SH3KBP1: variants seen among roughly 807,000 people sequenced by gnomAD.
SH3KBP1 encodes SH3 domain containing kinase binding protein 1, also known as SH3 domain-containing kinase-binding protein 1.
A neutral mutation model predicts 50.1 loss-of-function variants in SH3KBP1; 8 were observed. The observed-to-expected ratio is 0.16, with a 90% confidence interval of 0.09 to 0.29. The LOEUF is 0.29. Ranked by LOEUF, SH3KBP1 falls within the 10% of genes least tolerant of loss-of-function variation. The pLI is 1.00. For synonymous variants in SH3KBP1, 227 were observed against 218.6 expected (o/e 1.04, Z -0.34); for missense variants, 377 against 535.2 (o/e 0.70, Z 2.92).
In SH3KBP1 at chrX:19,887,370, G is replaced by C; in HGVS notation, c.-60C>G. On this transcript the variant is annotated 5_prime_UTR_variant, in exon 1 of 18. Transcript: ENST00000397821. ...TGAAAGTTGGCGGAGGCGGGCGTGG[G>C]GGTTGGGGCGCCGGGATCGGGGCGC... The C allele has an allele frequency of 1.1e-6, 1 of 921,241 alleles. No homozygotes were observed. The highest frequency in any genetic ancestry group is 1.4e-6 in the Non-Finnish European group (1 of 737,359). The allele number at this position is 921,241 out of a possible 1,213,427, so 75.9% of individuals were successfully genotyped here. A position where few individuals can be genotyped will look rare whatever the true frequency, so the allele number is the denominator to read the frequency against.
intron 6 of SH3KBP1, among the ~76,000 whole-genome samples, chrX:19,652,930 T>TA (rs2062164725): frequency 8.9e-6 from 1 of 112,468 alleles, no homozygotes; most frequent in Non-Finnish European, 1.9e-5. Context: ...GATGCCAGTC[T>TA]AGAGCCTTGT....
intron 6 of SH3KBP1, chrX:19,683,336 G>T: frequency 5.4e-6 from 2 of 369,022 alleles, no homozygotes; most frequent in East Asian, 1.5e-4. Context: ...ACCTGCGGGA[G>T]ACTTCCTTTC....
chrX:19,582,565 G>A lies in SH3KBP1; in HGVS notation c.1298+6078C>T, dbSNP rs1026770712. On this transcript the variant is annotated intron_variant, in intron 12 of 17. Transcript: ENST00000397821. ...TCCAAACAAACCCACCTCCAAGGTT[G>A]TAAGCACCAACCTCCCCTTTCTGAT... Among the ~76,000 whole-genome samples, 4 of 112,193 alleles carry A rather than the reference G, an allele frequency of 3.6e-5. No homozygotes were observed. The East Asian group carries it at 8.4e-4, about 24-fold the overall frequency.
At chrX:19,726,572 C>T (rs1436292222) in intron 3 of SH3KBP1, among the ~76,000 whole-genome samples, 1 of 110,950 alleles carries the variant, frequency 9.0e-6, no homozygotes, top group East Asian at 2.8e-4. Flanking sequence ...ACACATAATG[C>T]AAGCAAGATA....
intron 7 of SH3KBP1, among the ~76,000 whole-genome samples, chrX:19,636,155 AG>A (rs2061698034): frequency 9.0e-6 from 1 of 110,755 alleles, no homozygotes; most frequent in Non-Finnish European, 1.9e-5. Context: ...AGAGAGAGAG[AG>A]AGAGAAAAAA....
At chrX:19,711,798 C>A (rs936214597) in intron 3 of SH3KBP1, among the ~76,000 whole-genome samples, 3 of 111,274 alleles carry the variant, frequency 2.7e-5, no homozygotes, top group Non-Finnish European at 3.8e-5. Context: ...AGAGGAAAAT[C>A]AAAAGAAACC....
In SH3KBP1 at chrX:19,569,114, C is replaced by T. The variant is rs2065930866; in HGVS notation, c.1373G>A (p.Ser458Asn). 3 of 1,207,469 alleles carry T rather than the reference C, an allele frequency of 2.5e-6. No individual in the cohort carries two copies. The African/African-American group carries it at 5.2e-5, about 21-fold the overall frequency. Reference sequence around the variant, plus strand: ...CTGTCCTTACTCACCAATGTCATTGCTGCGGTCCGAGAGATCTTTGTCCAG... The same window carrying T: ...CTGTCCTTACTCACCAATGTCATTGTTGCGGTCCGAGAGATCTTTGTCCAG... ...GILDKDLSDRSNDIDLEGFDS... is the reference protein window; with the variant it reads ...GILDKDLSDRNNDIDLEGFDS... Residue 458 changes from serine to asparagine, a missense_variant, in exon 13 of 18, where the codon AGC becomes AAC. Ser to Asn is a conservative substitution (Grantham distance 46). Transcript: ENST00000397821.
intron 5 of SH3KBP1, among the ~76,000 whole-genome samples, chrX:19,691,381 T>TTATATA (rs10694812): frequency 1.0e-5 from 1 of 95,345 alleles, no homozygotes; most frequent in African/African-American, 3.9e-5. Context: ...TCTTTTGAGA[T>TTATATA]TATATATATA....
chrX:19,599,997 C>T (rs1012620804), intron 9 of SH3KBP1, among the ~76,000 whole-genome samples: 3 of 101,431 alleles, frequency 3.0e-5, no homozygotes, highest in South Asian at 4.7e-4. Flanking sequence ...TAGCCGGGCG[C>T]GGTGGCAGAC....
intron 17 of SH3KBP1, among the ~76,000 whole-genome samples, chrX:19,537,390 G>A (rs1462713759): frequency 2.7e-5 from 3 of 109,318 alleles, no homozygotes; most frequent in Non-Finnish European, 3.8e-5. Flanking sequence ...CCCGGGAGGC[G>A]GAGGTTGCAG....
At chrX:19,847,883 T>G (rs2068405329) in intron 1 of SH3KBP1, among the ~76,000 whole-genome samples, 1 of 112,343 alleles carries the variant, frequency 8.9e-6, no homozygotes, top group South Asian at 3.6e-4. Flanking sequence ...TAAGTATGTG[T>G]CTATATAGAG....
intron 3 of SH3KBP1, among the ~76,000 whole-genome samples, chrX:19,725,854 G>A (rs2064206690): frequency 8.9e-6 from 1 of 112,465 alleles, no homozygotes; most frequent in East Asian, 2.8e-4. Context: ...TGACAAGCCT[G>A]CCCTGTGTGT....
intron 13 of SH3KBP1, among the ~76,000 whole-genome samples, chrX:19,562,046 A>C (rs1285913093): frequency 1.8e-5 from 2 of 111,218 alleles, no homozygotes; most frequent in Non-Finnish European, 3.8e-5. Flanking sequence ...CCAACTGCTA[A>C]TCACTTTTCT....
At chrX:19,643,322 ATT>A (rs1237715100) in intron 7 of SH3KBP1, among the ~76,000 whole-genome samples, 1 of 72,150 alleles carries the variant, frequency 1.4e-5, no homozygotes. Flanking sequence ...TTTTTTTTTT[ATT>A]TTTTTTTTTT....
At chrX:19,570,035 T>C (rs1171771045) in intron 12 of SH3KBP1, among the ~76,000 whole-genome samples, 1 of 112,022 alleles carries the variant, frequency 8.9e-6, no homozygotes, top group Non-Finnish European at 1.9e-5. Context: ...ACAGAAATAG[T>C]CCATCTCACC....
At chrX:19,758,322 C>T (rs1289874317) in intron 2 of SH3KBP1, among the ~76,000 whole-genome samples, 2 of 57,831 alleles carry the variant, frequency 3.5e-5, no homozygotes, top group Non-Finnish European at 5.8e-5. Context: ...AGTGAGACTT[C>T]GTTTCAAAAA....
chrX:19,768,595 T>C (rs2065689801), intron 2 of SH3KBP1, among the ~76,000 whole-genome samples: 1 of 103,331 alleles, frequency 9.7e-6, no homozygotes, highest in African/African-American at 3.5e-5. Context: ...AGAACTGTGA[T>C]CTTTTTGAAG....
chrX:19,870,883 C>G (rs186790926), intron 1 of SH3KBP1, among the ~76,000 whole-genome samples: 1 of 111,572 alleles, frequency 9.0e-6, no homozygotes, highest in South Asian at 3.8e-4. Context: ...AACAACCTCA[C>G]GGCCGAAGCA....
intron 12 of SH3KBP1, among the ~76,000 whole-genome samples, chrX:19,582,555 C>T (rs1463712542): frequency 8.9e-6 from 1 of 112,331 alleles, no homozygotes; most frequent in Non-Finnish European, 1.9e-5. Context: ...ACAAACCCAC[C>T]TCCAAGGTTG....
Sources: gnomAD v4.1 joint callset for allele counts (sites outside exome capture counted in the v4.1 genomes callset) on GRCh38, gnomAD v4.1.1 for gene constraint, MANE v1.5 for transcripts, NCBI Gene and HGNC (gene_info 2026-07-23, HGNC 2026-07-21) for gene names.